The following SYCE2 variants were observed in gnomAD, a reference collection of about 807,000 sequenced individuals.
The protein encoded by SYCE2 is synaptonemal complex central element protein 2.
A neutral mutation model predicts 27.9 loss-of-function variants in SYCE2; 3 were observed. The ratio of observed to expected loss-of-function variants is 0.11; its 90% confidence interval spans 0.05 to 0.28. The LOEUF is 0.28. Ranked by LOEUF, SYCE2 falls within the 10% of genes least tolerant of loss-of-function variation. SYCE2 has a pLI of 1.00. For synonymous variants in SYCE2, 85 were observed against 100.7 expected, an observed-to-expected ratio of 0.84 and a Z score of 0.93; for missense variants, 207 against 263.5, an observed-to-expected ratio of 0.79 and a Z score of 1.48.
intron 5 of SYCE2, 176 bp downstream of exon 5, chr19:12,899,828 T>C: frequency 6.3e-7 from 1 of 1,576,086 alleles, no homozygotes; most frequent in Non-Finnish European, 8.7e-7. Flanking sequence ...GAGAGTGACA[T>C]GGAAGCAACT....
intron 1 of SYCE2, 141 bp downstream of exon 1, chr19:12,919,102 G>T: frequency 9.0e-7 from 1 of 1,106,076 alleles, no homozygotes; most frequent in Non-Finnish European, 1.3e-6. Context: ...GAAATTTGAG[G>T]CCAGGCCTGA....
intron 2 of SYCE2, among the ~76,000 whole-genome samples, chr19:12,915,012 T>C (rs535871363): frequency 6.6e-6 from 1 of 152,328 alleles, no homozygotes; most frequent in East Asian, 1.9e-4. Context: ...AAATCATCTG[T>C]CCACACACAA....
At chr19:12,907,579 T>C (rs1457915567) in intron 2 of SYCE2, among the ~76,000 whole-genome samples, 1 of 150,424 alleles carries the variant, frequency 6.6e-6, no homozygotes, top group South Asian at 2.1e-4. Flanking sequence ...TCACCAGAGA[T>C]CAGGAGTTCG....
At position 12,904,478 on chromosome 19, in the gene SYCE2, G is replaced by A. The variant is rs775984366; in HGVS notation, c.306+14C>T. The A allele has an allele frequency of 3.7e-6, 6 of 1,613,844 alleles. No individual in the cohort carries two copies. The African/African-American group carries it at 4.0e-5, about 11-fold the overall frequency. ...CATAAGGAATCCCCCCTCTCGCTGG[G>A]TGGAGTCTGTCACCTTGGTCTTCAG... is the stretch of plus-strand genomic sequence containing the variant. On this transcript the variant is annotated intron_variant, in intron 3 of 5. Transcript: ENST00000293695.
Position 12,904,483 on chromosome 19 carries a change from G to C in SYCE2, c.306+9C>G. The C allele has an allele frequency of 6.2e-7, 1 of 1,614,028 alleles. No homozygotes were observed. The highest frequency in any genetic ancestry group is 2.2e-5 in the East Asian group (1 of 44,862). ...GGAATCCCCCCTCTCGCTGGGTGGA[G>C]TCTGTCACCTTGGTCTTCAGGCTGT... On this transcript the variant is annotated intron_variant, in intron 3 of 5. Coordinates refer to ENST00000293695, the MANE Select transcript of SYCE2 (RefSeq NM_001105578.2).
chr19:12,910,973 G>A (rs1042232893), intron 2 of SYCE2, among the ~76,000 whole-genome samples: 3 of 151,820 alleles, frequency 2.0e-5, no homozygotes, highest in Non-Finnish European at 4.4e-5. Context: ...CACCGCACCC[G>A]GCCTGACCTT....
intron 2 of SYCE2, among the ~76,000 whole-genome samples, chr19:12,916,363 C>T (rs544900121): frequency 1.1e-4 from 16 of 152,236 alleles, no homozygotes; most frequent in Non-Finnish European, 1.8e-4. Context: ...CCACTGCGCC[C>T]GGCCAACATG....
intron 3 of SYCE2, among the ~76,000 whole-genome samples, chr19:12,901,886 G>A (rs1181183778): frequency 6.6e-6 from 1 of 152,082 alleles, no homozygotes; most frequent in Non-Finnish European, 1.5e-5. Flanking sequence ...AAAGTGCTGG[G>A]ATTACAGGCA....
At chr19:12,911,245 T>A (rs1971040995) in intron 2 of SYCE2, among the ~76,000 whole-genome samples, 1 of 152,130 alleles carries the variant, frequency 6.6e-6, no homozygotes. Context: ...AGTGCTGAGA[T>A]TACAAACGTG....
chr19:12,910,675 TTA>T (rs201464227), intron 2 of SYCE2, among the ~76,000 whole-genome samples: 1 of 148,272 alleles, frequency 6.7e-6, no homozygotes, highest in Admixed American at 6.8e-5. Context: ...GCCTGACCTT[TTA>T]TATATATATA....
chr19:12,919,146 C>A (rs1971196118), intron 1 of SYCE2, 97 bp downstream of exon 1: 1 of 1,534,272 alleles, frequency 6.5e-7, no homozygotes. Context: ...GGACAAGCGG[C>A]CGGGCTCGGG....
chr19:12,914,669 G>A (rs998249894), intron 2 of SYCE2, among the ~76,000 whole-genome samples: 8 of 152,132 alleles, frequency 5.3e-5, no homozygotes, highest in African/African-American at 1.7e-4. Context: ...GAGTGCAATG[G>A]TGCAATCTTG....
In SYCE2 at chr19:12,918,304, C is replaced by G. The variant is rs1395647989; in HGVS notation, c.49G>C (p.Glu17Gln). The G allele has an allele frequency of 1.2e-6, 2 of 1,614,180 alleles. No individual in the cohort carries two copies. Among genetic ancestry groups the G allele is most frequent in the Admixed American group, 1.7e-5 (1 of 60,004 alleles). The change falls in exon 2 of 6, where the codon GAA becomes CAA. Residue 17 changes from glutamate to glutamine, a missense_variant. Physicochemically the swap from Glu to Gln is conservative, Grantham distance 29. Coordinates refer to ENST00000293695, the MANE Select transcript of SYCE2 (RefSeq NM_001105578.2). ...DVPHVKCKDQEPQPLGESKEH... is the reference protein window; with the variant it reads ...DVPHVKCKDQQPQPLGESKEH... ...TTGCTCTCCCCCAAGGGCTGCGGTT[C>G]CTGGTCTTTGCATTTCACATGGGGC... is the stretch of plus-strand genomic sequence containing the variant.
At chr19:12,905,769 G>A (rs1970922978) in intron 2 of SYCE2, among the ~76,000 whole-genome samples, 1 of 152,028 alleles carries the variant, frequency 6.6e-6, no homozygotes, top group Non-Finnish European at 1.5e-5. Context: ...TCCTGAATAG[G>A]TGGGACTACA....
chr19:12,899,464 C>T lies in SYCE2; in HGVS notation c.613-79G>A, dbSNP rs774546166. On this transcript the variant is annotated intron_variant, in intron 5 of 5. Transcript: ENST00000293695. The stretch of plus-strand genomic sequence containing the variant: ...CAAACCGACTCTGTATTAATCTTGT[C>T]CAGGTACACATGACATTCACGCCCT... The T allele has an allele frequency of 1.9e-6, 3 of 1,614,122 alleles. No individual in the cohort carries two copies. The highest frequency in any genetic ancestry group is 2.5e-6 in the Non-Finnish European group (3 of 1,180,002).
chr19:12,898,940 G>A lies in SYCE2; in HGVS notation c.*401C>T, dbSNP rs556766381. The A allele has an allele frequency of 4.7e-5, 12 of 254,462 alleles. No homozygotes were observed. Among genetic ancestry groups the A allele is most frequent in the Non-Finnish European group, 8.5e-5 (11 of 129,634 alleles). The allele number at this position is 254,462 out of a possible 1,614,324, so 15.8% of individuals were successfully genotyped here. ...TCTCTGGGAGAGGCGGCTTCAGATG[G>A]GCAGAGGTCAGCTGAGGCAAGTGAC... On this transcript the variant is annotated 3_prime_UTR_variant, in exon 6 of 6. Coordinates refer to ENST00000293695, the MANE Select transcript of SYCE2 (RefSeq NM_001105578.2).
rs1970924719 is a variant in SYCE2, at chr19:12,905,891, C to T, written c.132-1225G>A. 2.6e-5 allele frequency among the ~76,000 whole-genome samples: 4 copies of T among 152,340 alleles called. No individual in the cohort carries two copies. In the South Asian group the frequency reaches 8.3e-4, roughly 32 times the overall value. On this transcript the variant is annotated intron_variant, in intron 2 of 5. Transcript: ENST00000293695. ...CTGGCCTCCCAAAATGTTGGGATTA[C>T]AGGCATGAGCCACTGCGCCTGACTG...
rs917365987 is a variant in SYCE2 at position 12,900,513 on chromosome 19, G to C, written c.442C>G (p.Gln148Glu). 5.0e-6 allele frequency: 8 copies of C among 1,614,036 alleles called. No homozygotes were observed. In the African/African-American group the frequency reaches 9.3e-5, roughly 19 times the overall value. Residue 148 changes from glutamine (Q) to glutamate (E), a missense_variant, in exon 4 of 6, where the codon CAA (glutamine) becomes GAA (glutamate). Physicochemically the swap from Gln to Glu is conservative, Grantham distance 29. Transcript: ENST00000293695. ...KISHLETELKQVCHSVETVYK... is the reference protein window; with the variant it reads ...KISHLETELKEVCHSVETVYK... The stretch of plus-strand genomic sequence containing the variant: ...ACAGTCTCCACGCTGTGGCAGACTT[G>C]TTTGAGCTCTGTCTCCAAATGGCTG...
rs1454387893 is a variant in SYCE2 at position 12,900,003 on chromosome 19, C to T, written c.612+1G>A. 2 of 1,613,152 alleles carry T rather than the reference C, an allele frequency of 1.2e-6. No homozygotes were observed. Among genetic ancestry groups the T allele is most frequent in the Non-Finnish European group, 1.7e-6 (2 of 1,179,954 alleles). ...TGTCAGGCCGGTTTACTGGTAACCA[C>T]CTGAGAAGTAGTTTCAGCCACAGAA... On this transcript the variant is annotated splice_donor_variant, in intron 5 of 5. Transcript: ENST00000293695. LOFTEE classifies it high-confidence loss of function.
Sources: allele counts gnomAD v4.1 joint callset (sites outside exome capture counted in the v4.1 genomes callset), GRCh38; gene constraint gnomAD v4.1.1; transcripts MANE v1.5; gene names NCBI Gene and HGNC (gene_info 2026-07-23, HGNC 2026-07-21).